CCDC91: variants seen among roughly 807,000 people sequenced by gnomAD.
The protein encoded by CCDC91 is coiled-coil domain-containing protein 91.
CCDC91 carries 48 observed loss-of-function variants against 63.2 expected under a neutral mutation model. The observed-to-expected ratio is 0.76, with a 90% CI of 0.60 to 0.97. The LOEUF (loss-of-function observed/expected upper bound fraction) is 0.97, where lower values mean the gene tolerates loss of function less well. Among genes scored for constraint, CCDC91 ranks in the 50% least tolerant of loss-of-function variants. The pLI is 0.00. For synonymous variants in CCDC91, 167 were observed against 165.8 expected (o/e 1.01, Z -0.06); for missense variants, 500 against 494.6 (o/e 1.01, Z -0.10).
chr12:28,537,528 T>G (rs143304263), intron 12 of CCDC91, among the ~76,000 whole-genome samples: 48 of 152,344 alleles, frequency 3.2e-4, no homozygotes, highest in African/African-American at 1.1e-3. Flanking sequence ...GTAAAGTTGG[T>G]ACCTTTATCA....
intron 6 of CCDC91, among the ~76,000 whole-genome samples, chr12:28,338,881 C>T (rs1212392751): frequency 2.6e-5 from 4 of 151,994 alleles, no homozygotes; most frequent in African/African-American, 7.3e-5. Flanking sequence ...CGCTCTGTCG[C>T]CCAAGCTGGA....
intron 8 of CCDC91, among the ~76,000 whole-genome samples, chr12:28,405,188 C>G (rs1565921277): frequency 6.6e-6 from 1 of 151,330 alleles, no homozygotes; most frequent in Non-Finnish European, 1.5e-5. Flanking sequence ...TTTTTTCTTA[C>G]TTTTTAAGTG....
At chr12:28,369,680 C>T (rs1944489762) in intron 7 of CCDC91, among the ~76,000 whole-genome samples, 1 of 152,188 alleles carries the variant, frequency 6.6e-6, no homozygotes, top group African/African-American at 2.4e-5. Context: ...GTGAGGGCTC[C>T]TCCTCTGTAG....
intron 11 of CCDC91, among the ~76,000 whole-genome samples, chr12:28,468,614 T>A (rs1950655449): frequency 6.6e-6 from 1 of 151,616 alleles, no homozygotes. Context: ...TTACCCAATA[T>A]CAAAACCAAA....
intron 6 of CCDC91, among the ~76,000 whole-genome samples, chr12:28,308,401 C>T (rs767885222): frequency 2.6e-5 from 4 of 152,104 alleles, no homozygotes; most frequent in East Asian, 1.9e-4. Flanking sequence ...TCACTGCCCA[C>T]GTGCAGACCA....
chr12:28,460,557 C>T (rs1207673020), intron 11 of CCDC91, among the ~76,000 whole-genome samples: 3 of 151,266 alleles, frequency 2.0e-5, no homozygotes, highest in East Asian at 3.9e-4. Context: ...CCCTTAGAAA[C>T]GAGACAAAAA....
chr12:28,306,243 A>G (rs1351861896), intron 4 of CCDC91, among the ~76,000 whole-genome samples: 1 of 152,116 alleles, frequency 6.6e-6, no homozygotes, highest in Non-Finnish European at 1.5e-5. Context: ...TATTTTTTAA[A>G]GCAAGAATTT....
At chr12:28,317,176 T>C (rs1401754888) in intron 6 of CCDC91, among the ~76,000 whole-genome samples, 1 of 152,030 alleles carries the variant, frequency 6.6e-6, no homozygotes, top group East Asian at 1.9e-4. Context: ...CACCTGTTCA[T>C]ATTTTGGCAT....
intron 7 of CCDC91, among the ~76,000 whole-genome samples, chr12:28,372,913 T>G (rs1448812332): frequency 6.6e-6 from 1 of 152,160 alleles, no homozygotes; most frequent in Non-Finnish European, 1.5e-5. Flanking sequence ...GTTTCAGGTC[T>G]TAGAGGAAAT....
intron 8 of CCDC91, chr12:28,412,679 T>A (rs1947390297): frequency 2.2e-6 from 1 of 444,712 alleles, no homozygotes; most frequent in Admixed American, 2.4e-5. Flanking sequence ...CCTGAGCAGG[T>A]TGCTGCTGCT....
intron 8 of CCDC91, among the ~76,000 whole-genome samples, chr12:28,410,563 C>T (rs1475215768): frequency 6.6e-6 from 1 of 152,078 alleles, no homozygotes; most frequent in East Asian, 1.9e-4. Flanking sequence ...GCTCTGTCAG[C>T]CAGGCTGGAG....
intron 12 of CCDC91, among the ~76,000 whole-genome samples, chr12:28,485,191 C>T (rs1330723585): frequency 6.6e-6 from 1 of 151,238 alleles, no homozygotes; most frequent in African/African-American, 2.4e-5. Flanking sequence ...CAGAGGCTTG[C>T]TCTGTTGCCC....
chr12:28,364,405 A>C (rs1944136313), intron 7 of CCDC91, among the ~76,000 whole-genome samples: 1 of 152,176 alleles, frequency 6.6e-6, no homozygotes, highest in Non-Finnish European at 1.5e-5. Context: ...AACAAAAACA[A>C]AAAACAAAGT....
intron 8 of CCDC91, among the ~76,000 whole-genome samples, chr12:28,446,278 A>G (rs559074283): frequency 8.5e-5 from 13 of 152,326 alleles, no homozygotes; most frequent in Non-Finnish European, 1.6e-4. Context: ...AATCAGTTCA[A>G]TATCTTTTGT....
intron 12 of CCDC91, among the ~76,000 whole-genome samples, chr12:28,538,084 G>GT (rs1013791768): frequency 8.7e-5 from 13 of 149,040 alleles, no homozygotes; most frequent in African/African-American, 1.5e-4. Context: ...CTTTTTAGGG[G>GT]TTTTTTTTAA....
intron 1 of CCDC91, among the ~76,000 whole-genome samples, chr12:28,242,905 C>T (rs1334580861): frequency 3.3e-5 from 5 of 152,042 alleles, no homozygotes; most frequent in African/African-American, 9.7e-5. Context: ...CCCTCTTGCT[C>T]CTACTTCTGA....
At chr12:28,395,323 C>G (rs1946223142) in intron 8 of CCDC91, among the ~76,000 whole-genome samples, 1 of 152,200 alleles carries the variant, frequency 6.6e-6, no homozygotes, top group African/African-American at 2.4e-5. Flanking sequence ...CATTCTGACA[C>G]TAACTCATCA....
intron 11 of CCDC91, among the ~76,000 whole-genome samples, chr12:28,452,923 T>G (rs1332691787): frequency 6.6e-6 from 1 of 151,914 alleles, no homozygotes; most frequent in Non-Finnish European, 1.5e-5. Context: ...AAATTTATGT[T>G]TAGTCATTGC....
At chr12:28,221,487 G>A (rs755433048) in intron 1 of CCDC91, among the ~76,000 whole-genome samples, 2 of 152,028 alleles carry the variant, frequency 1.3e-5, no homozygotes, top group African/African-American at 4.8e-5. Context: ...GTTGATTGCT[G>A]AATTTTGTTG....
Sources: gnomAD v4.1 joint callset for allele counts (sites outside exome capture counted in the v4.1 genomes callset) on GRCh38, gnomAD v4.1.1 for gene constraint, MANE v1.5 for transcripts, NCBI Gene and HGNC (gene_info 2026-07-23, HGNC 2026-07-21) for gene names.